The following CDH13 variants were observed in gnomAD, a reference collection of about 807,000 sequenced individuals.
The protein encoded by CDH13 is cadherin-13.
A neutral mutation model predicts 63.8 loss-of-function variants in CDH13; 24 were observed. The ratio of observed to expected loss-of-function variants is 0.38; its 90% confidence interval spans 0.27 to 0.53. The LOEUF (loss-of-function observed/expected upper bound fraction) is 0.53, where lower values mean the gene tolerates loss of function less well. CDH13 is among the 20% of genes least tolerant of loss of function. The pLI is 0.85. For synonymous variants in CDH13, 503 were observed against 355.3 expected (o/e 1.42, Z -4.67); for missense variants, 1,049 against 903.1 (o/e 1.16, Z -2.07).
intron 5 of CDH13, among the ~76,000 whole-genome samples, chr16:83,274,013 C>G (rs1246888518): frequency 6.6e-6 from 1 of 152,180 alleles, no homozygotes; most frequent in Non-Finnish European, 1.5e-5. Context: ...CCATCTTCCT[C>G]TCCACCACTT....
At chr16:83,464,741 C>G (rs1183803661) in intron 6 of CDH13, among the ~76,000 whole-genome samples, 1 of 152,126 alleles carries the variant, frequency 6.6e-6, no homozygotes. Context: ...CTAATTACAT[C>G]CGAAAAGACA....
intron 1 of CDH13, among the ~76,000 whole-genome samples, chr16:82,728,207 G>T (rs150386962): frequency 1.3e-5 from 2 of 152,234 alleles, no homozygotes; most frequent in East Asian, 1.9e-4. Flanking sequence ...ATATGGGCTG[G>T]GAGGGATCAC....
At chr16:83,239,929 C>T (rs1904306565) in intron 5 of CDH13, among the ~76,000 whole-genome samples, 1 of 152,058 alleles carries the variant, frequency 6.6e-6, no homozygotes, top group African/African-American at 2.4e-5. Flanking sequence ...CAGAGATGGC[C>T]TTTCTGAAAG....
At chr16:83,120,347 A>T (rs1451194542) in intron 3 of CDH13, among the ~76,000 whole-genome samples, 4 of 152,180 alleles carry the variant, frequency 2.6e-5, no homozygotes, top group African/African-American at 9.7e-5. Flanking sequence ...CAGGGAGCTG[A>T]CCACTCTGGA....
At chr16:82,837,961 T>A (rs536830456) in intron 1 of CDH13, among the ~76,000 whole-genome samples, 2 of 152,202 alleles carry the variant, frequency 1.3e-5, no homozygotes, top group Non-Finnish European at 2.9e-5. Context: ...TGCAATCTGC[T>A]TCGTAACTCT....
intron 9 of CDH13, among the ~76,000 whole-genome samples, chr16:83,676,883 G>A (rs1914998781): frequency 6.6e-6 from 1 of 152,122 alleles, no homozygotes. Flanking sequence ...TCCCACCTCG[G>A]TGCCAGCTCT....
At chr16:82,853,788 T>C (rs1402921515) in intron 1 of CDH13, among the ~76,000 whole-genome samples, 1 of 152,160 alleles carries the variant, frequency 6.6e-6, no homozygotes, top group Non-Finnish European at 1.5e-5. Flanking sequence ...TGGACAAACA[T>C]GTCATAGAGT....
intron 2 of CDH13, among the ~76,000 whole-genome samples, chr16:82,971,140 TACCCC>T (rs1224770221): frequency 3.9e-5 from 6 of 152,164 alleles, no homozygotes; most frequent in Non-Finnish European, 8.8e-5. Context: ...GGTGCATAAA[TACCCC>T]AACTCCCTCA....
chr16:83,584,183 T>C (rs1905915170), intron 7 of CDH13, among the ~76,000 whole-genome samples: 1 of 151,326 alleles, frequency 6.6e-6, no homozygotes, highest in Admixed American at 6.6e-5. Context: ...CAAAAAAAAT[T>C]AGCCGGGCAT....
intron 7 of CDH13, among the ~76,000 whole-genome samples, chr16:83,555,832 C>T (rs190831498): frequency 1.3e-3 from 199 of 152,312 alleles, no homozygotes; most frequent in African/African-American, 4.5e-3. Flanking sequence ...GGATTGTAAA[C>T]ATCTTAGACA....
intron 2 of CDH13, among the ~76,000 whole-genome samples, chr16:82,964,732 G>T (rs1438745583): frequency 6.6e-6 from 1 of 152,194 alleles, no homozygotes; most frequent in Non-Finnish European, 1.5e-5. Context: ...ATTTTAAAAA[G>T]TAAAATATAA....
At chr16:82,700,173 A>T (rs1388172796) in intron 1 of CDH13, among the ~76,000 whole-genome samples, 1 of 152,228 alleles carries the variant, frequency 6.6e-6, no homozygotes, top group Admixed American at 6.5e-5. Flanking sequence ...AGAAATTTAA[A>T]TGAATTTTTC....
chr16:83,477,129 C>A (rs556974619), intron 6 of CDH13, among the ~76,000 whole-genome samples: 47 of 152,338 alleles, frequency 3.1e-4, no homozygotes, highest in African/African-American at 1.1e-3. Flanking sequence ...AGGGCAGACA[C>A]TGGAGGCTGA....
At chr16:83,242,874 T>G (rs1904603733) in intron 5 of CDH13, among the ~76,000 whole-genome samples, 1 of 152,340 alleles carries the variant, frequency 6.6e-6, no homozygotes, top group East Asian at 1.9e-4. Context: ...GATTCTCATC[T>G]TCTCTGGCTC....
chr16:82,890,730 C>A (rs2041051920), intron 2 of CDH13, among the ~76,000 whole-genome samples: 1 of 150,822 alleles, frequency 6.6e-6, no homozygotes, highest in African/African-American at 2.4e-5. Context: ...TGGCTCACTG[C>A]AACCTCCGCC....
chr16:83,677,776 C>T (rs1308198026), intron 9 of CDH13, among the ~76,000 whole-genome samples: 1 of 152,004 alleles, frequency 6.6e-6, no homozygotes, highest in Non-Finnish European at 1.5e-5. Context: ...TTACCAGAGC[C>T]CCCGTGGGTG....
intron 3 of CDH13, among the ~76,000 whole-genome samples, chr16:83,113,187 G>C (rs1046498970): frequency 5.3e-5 from 8 of 152,154 alleles, no homozygotes; most frequent in African/African-American, 1.9e-4. Flanking sequence ...TATAGATTTG[G>C]TTACTTCACA....
intron 3 of CDH13, among the ~76,000 whole-genome samples, chr16:83,065,664 C>T (rs951901115): frequency 6.7e-6 from 1 of 149,938 alleles, no homozygotes. Context: ...AAGATCGTGC[C>T]ACTGCATTCT....
chr16:83,329,343 AGCCTCCTGAGTAGCT>A (rs2090433807), intron 5 of CDH13, among the ~76,000 whole-genome samples: 1 of 151,768 alleles, frequency 6.6e-6, no homozygotes, highest in Non-Finnish European at 1.5e-5. Flanking sequence ...CTCCCACCTC[AGCCTCCTGAGTAGCT>A]GTGACTGTAG....
Sources: gnomAD v4.1 joint callset for allele counts (sites outside exome capture counted in the v4.1 genomes callset) on GRCh38, gnomAD v4.1.1 for gene constraint, MANE v1.5 for transcripts, NCBI Gene and HGNC (gene_info 2026-07-23, HGNC 2026-07-21) for gene names.